The following CD55 variants were observed in gnomAD, a reference collection of about 807,000 sequenced individuals.
CD55 encodes complement decay-accelerating factor.
A neutral mutation model predicts 45.8 loss-of-function variants in CD55; 41 were observed. The ratio of observed to expected loss-of-function variants is 0.90; its 90% CI spans 0.70 to 1.16. The LOEUF is 1.16. Ranked by LOEUF, CD55 falls within the 50% of genes most tolerant of loss-of-function variation. CD55 has a pLI of 0.00. For missense variants in CD55, 416 were observed against 469.8 expected, an observed-to-expected ratio of 0.89 and a Z score of 1.06; for synonymous variants, 181 against 181.1, an observed-to-expected ratio of 1.00 and a Z score of 0.01.
chr1:207,349,989 G>A, intron 9 of CD55: 2 of 390,692 alleles, frequency 5.1e-6, no homozygotes, highest in East Asian at 8.4e-5. Flanking sequence ...GATGTTGGCT[G>A]TGGGTTTTTC....
chr1:207,346,328 G>C (rs1655637638), intron 9 of CD55, among the ~76,000 whole-genome samples: 1 of 152,198 alleles, frequency 6.6e-6, no homozygotes, highest in African/African-American at 2.4e-5. Flanking sequence ...TGAGCATCCG[G>C]GTACCTGATG....
chr1:207,323,555 C>T (rs2102376904), intron 2 of CD55, among the ~76,000 whole-genome samples: 1 of 152,180 alleles, frequency 6.6e-6, no homozygotes, highest in Admixed American at 6.5e-5. Flanking sequence ...AAATCTGTTA[C>T]TTACATAGCC....
intron 5 of CD55, 99 bp from the exon 6 acceptor site, chr1:207,331,009 G>T: frequency 1.1e-6 from 1 of 909,508 alleles, no homozygotes; most frequent in Non-Finnish European, 1.6e-6. Flanking sequence ...ATGATATTTT[G>T]ATTTCTTTAA....
intron 6 of CD55, among the ~76,000 whole-genome samples, chr1:207,336,337 G>C (rs1655171196): frequency 6.6e-6 from 1 of 152,124 alleles, no homozygotes; most frequent in African/African-American, 2.4e-5. Flanking sequence ...ACAACATCCT[G>C]TTGTTCTTTA....
At position 207,336,706 on chromosome 1, in the gene CD55, T is replaced by C. The variant is rs1655185532; in HGVS notation, c.867T>C (p.Thr289=). ...PPPECRGKSL[T]SKVPPTVQKP... ...TTTCTTTCACAGGAAAATCTCTAAC[T>C]TCCAAGGTCCCACCAACAGTTCAGA... Residue 289 remains threonine, a synonymous_variant, in exon 7 of 10, where the codon ACT becomes ACC. Coordinates refer to ENST00000367064, the MANE Select transcript of CD55 (RefSeq NM_000574.5). 1 of 1,613,258 alleles carries C rather than the reference T, an allele frequency of 6.2e-7. No homozygotes were observed. The highest frequency in any genetic ancestry group is 1.3e-5 in the African/African-American group (1 of 74,818).
chr1:207,348,153 C>T (rs1655723383), intron 9 of CD55, among the ~76,000 whole-genome samples: 1 of 152,204 alleles, frequency 6.6e-6, no homozygotes, highest in South Asian at 2.1e-4. Context: ...AAACTGCTTT[C>T]CACAGAGGCT....
At chr1:207,353,984 G>A in intron 9 of CD55, 1 of 1,531,068 alleles carries the variant, frequency 6.5e-7, no homozygotes, top group Non-Finnish European at 8.7e-7. Context: ...CATAGCACAT[G>A]CATTGCATTT....
At chr1:207,351,313 A>T (rs966644231) in intron 9 of CD55, among the ~76,000 whole-genome samples, 5 of 152,170 alleles carry the variant, frequency 3.3e-5, no homozygotes, top group Admixed American at 3.3e-4. Flanking sequence ...AAGAATGTAT[A>T]TCCTGTTGTT....
chr1:207,330,790 A>G (rs937498239), intron 5 of CD55, among the ~76,000 whole-genome samples: 1 of 152,188 alleles, frequency 6.6e-6, no homozygotes, highest in African/African-American at 2.4e-5. Context: ...ATCCTGCAGC[A>G]TTCACTTTTC....
rs1164926510 is a variant in CD55, at chr1:207,326,787, T to A, written c.614T>A (p.Leu205His). Residue 205 changes from leucine to histidine, a missense_variant, in exon 5 of 10, where the codon CTT becomes CAT. Leu to His is a moderately conservative substitution (Grantham distance 99). Coordinates refer to ENST00000367064, the MANE Select transcript of CD55 (RefSeq NM_000574.5). Reference sequence around the variant, plus strand: ...TTTGGCTCGACTTCTAGTTTTTGTCTTATTTCAGGCAGCTCTGTCCAGTGG... The same window carrying A: ...TTTGGCTCGACTTCTAGTTTTTGTCATATTTCAGGCAGCTCTGTCCAGTGG... ...KLFGSTSSFC[L>H]ISGSSVQWSD... The A allele has an allele frequency of 1.2e-6, 2 of 1,613,836 alleles. No individual in the cohort carries two copies. The highest frequency in any genetic ancestry group is 2.7e-5 in the African/African-American group (2 of 74,930).
At chr1:207,357,996 C>CA (rs1261282696) in intron 9 of CD55, among the ~76,000 whole-genome samples, 2 of 152,084 alleles carry the variant, frequency 1.3e-5, no homozygotes, top group Non-Finnish European at 2.9e-5. Context: ...GTATTGTACT[C>CA]ACCTATTTTC....
At chr1:207,344,993 G>A (rs1655575354) in intron 9 of CD55, among the ~76,000 whole-genome samples, 1 of 152,166 alleles carries the variant, frequency 6.6e-6, no homozygotes, top group African/African-American at 2.4e-5. Flanking sequence ...TGGGATTACA[G>A]GCATGAGCCA....
chr1:207,338,641 C>A (rs914665416), intron 8 of CD55, among the ~76,000 whole-genome samples: 1 of 152,020 alleles, frequency 6.6e-6, no homozygotes, highest in African/African-American at 2.4e-5. Context: ...TTGTAGCCAC[C>A]ACTTACTGAG....
Position 207,336,730 on chromosome 1 carries a change from G to GA in CD55, c.894dup (p.Pro299ThrfsTer44). 6.2e-7 allele frequency: 1 copy of GA among 1,613,890 alleles called. No homozygotes were observed. The highest frequency in any genetic ancestry group is 8.5e-7 in the Non-Finnish European group (1 of 1,179,872). ...CTTCCAAGGTCCCACCAACAGTTCA[G>GA]AAACCTACCACAGTAAATGTTCCAA... On this transcript the variant is annotated frameshift_variant, in exon 7 of 10. Coordinates refer to ENST00000367064, the MANE Select transcript of CD55 (RefSeq NM_000574.5). LOFTEE classifies it high-confidence loss of function.
intron 9 of CD55, among the ~76,000 whole-genome samples, chr1:207,345,494 A>C (rs1487132363): frequency 6.6e-6 from 1 of 151,980 alleles, no homozygotes; most frequent in Admixed American, 6.6e-5. Flanking sequence ...TATTTTTTTA[A>C]AACAAATTTT....
intron 1 of CD55, among the ~76,000 whole-genome samples, 159 bp downstream of exon 1, chr1:207,322,024 C>A (rs1654432844): frequency 6.6e-6 from 1 of 152,228 alleles, no homozygotes; most frequent in Non-Finnish European, 1.5e-5. Context: ...TCGCCGCTCA[C>A]CAGCATTTGG....
intron 9 of CD55, among the ~76,000 whole-genome samples, chr1:207,349,697 T>C (rs992049098): frequency 1.3e-5 from 2 of 152,226 alleles, no homozygotes; most frequent in South Asian, 2.1e-4. Flanking sequence ...TGTTGGTGTA[T>C]AGAAATGCTT....
At chr1:207,352,993 C>T (rs1229806026) in intron 9 of CD55, among the ~76,000 whole-genome samples, 1 of 145,110 alleles carries the variant, frequency 6.9e-6, no homozygotes, top group Non-Finnish European at 1.5e-5. Context: ...TTTCACAGAG[C>T]TAGTAGGCAA....
At chr1:207,347,280 G>C (rs1572896397) in intron 9 of CD55, 1 of 442,460 alleles carries the variant, frequency 2.3e-6, no homozygotes, top group East Asian at 7.0e-5. Context: ...TTTTTTTTTA[G>C]ACGGAATCTC....
Sources: gnomAD v4.1 joint callset for allele counts (sites outside exome capture counted in the v4.1 genomes callset) on GRCh38, gnomAD v4.1.1 for gene constraint, MANE v1.5 for transcripts, NCBI Gene and HGNC (gene_info 2026-07-23, HGNC 2026-07-21) for gene names.